Variants in HHIP observed in about 807,000 individuals in gnomAD.
The protein encoded by HHIP is hedgehog-interacting protein.
A neutral mutation model predicts 74.0 loss-of-function variants in HHIP; 12 were observed. The ratio of observed to expected loss-of-function variants is 0.16; its 90% confidence interval spans 0.10 to 0.26. HHIP has a LOEUF of 0.26. HHIP is among the 10% of genes least tolerant of loss of function. The probability of loss-of-function intolerance (pLI) is 1.00; values close to 1 mark genes in which losing one functional copy is unlikely to be tolerated. For synonymous variants in HHIP, 309 were observed against 311.6 expected, an observed-to-expected ratio of 0.99 and a Z score of 0.09; for missense variants, 788 against 845.0, an observed-to-expected ratio of 0.93 and a Z score of 0.84.
At chr4:144,710,869 G>A (rs1730277744) in intron 7 of HHIP, among the ~76,000 whole-genome samples, 2 of 152,174 alleles carry the variant, frequency 1.3e-5, no homozygotes, top group African/African-American at 4.8e-5. Flanking sequence ...AACAATGCAA[G>A]CCTGTTTTCC....
chr4:144,738,621 C>A lies in HHIP; in HGVS notation c.*664C>A. 1.4e-6 allele frequency: 1 copy of A among 710,150 alleles called. No individual in the cohort carries two copies. Among genetic ancestry groups the A allele is most frequent in the Non-Finnish European group, 1.7e-6 (1 of 578,752 alleles). 44.0% of individuals were successfully genotyped at this position (710,150 alleles called of 1,614,324 possible). On this transcript the variant is annotated 3_prime_UTR_variant, in exon 13 of 13. Coordinates refer to ENST00000296575, the MANE Select transcript of HHIP (RefSeq NM_022475.3). ...CATAATAGCATATTTTAAAATCAAT[C>A]TTCCTAAAAGGTCTGCTTTTATTGT...
At chr4:144,691,775 TCAGCAA>T (rs1224343139) in intron 4 of HHIP, among the ~76,000 whole-genome samples, 15 of 152,056 alleles carry the variant, frequency 9.9e-5, no homozygotes, top group Non-Finnish European at 1.5e-5. Flanking sequence ...CTAAGTACCA[TCAGCAA>T]TGCCTCCTCC....
At position 144,742,018 on chromosome 4, in the gene HHIP, AAT is replaced by A. The variant is rs1161883700; in HGVS notation, c.*4068_*4069del. The A allele has an allele frequency of 7.8e-6, 1 of 128,514 alleles. No homozygotes were observed. Among genetic ancestry groups the A allele is most frequent in the Non-Finnish European group, 1.6e-5 (1 of 61,664 alleles). 8.0% of individuals were successfully genotyped at this position (128,514 alleles called of 1,614,324 possible). A position where few individuals can be genotyped will look rare whatever the true frequency, so the allele number is the denominator to read the frequency against. Reference sequence around the variant, plus strand: ...CTCTCCCCCTCTCGCTCTCTCGGCTAATATATATGTGTATGTGTATATATATA... The same window carrying A: ...CTCTCCCCCTCTCGCTCTCTCGGCTAATATATGTGTATGTGTATATATATA... On this transcript the variant is annotated 3_prime_UTR_variant, in exon 13 of 13. Coordinates refer to ENST00000296575, the MANE Select transcript of HHIP (RefSeq NM_022475.3).
At chr4:144,706,480 T>A (rs368893463) in intron 4 of HHIP, 51 bp from the exon 5 acceptor site, 20 of 1,446,642 alleles carry the variant, frequency 1.4e-5, no homozygotes, top group Non-Finnish European at 1.9e-5. Context: ...TGAAACACAA[T>A]AAAGAACATA....
chr4:144,670,299 A>G (rs1296713406), intron 4 of HHIP, among the ~76,000 whole-genome samples: 1 of 151,660 alleles, frequency 6.6e-6, no homozygotes, highest in Non-Finnish European at 1.5e-5. Context: ...CGTCTCTAAT[A>G]AAAATACAAA....
intron 4 of HHIP, among the ~76,000 whole-genome samples, chr4:144,699,822 G>A (rs1243080456): frequency 6.6e-6 from 1 of 152,018 alleles, no homozygotes; most frequent in Non-Finnish European, 1.5e-5. Context: ...AGGGACCTCA[G>A]GGGATTGACT....
intron 1 of HHIP, chr4:144,648,392 T>G (rs1320970215): frequency 6.6e-6 from 1 of 152,194 alleles, no homozygotes; most frequent in Non-Finnish European, 1.5e-5. Context: ...ACTCCTTCTA[T>G]TCCCAGATGA....
intron 4 of HHIP, among the ~76,000 whole-genome samples, chr4:144,662,614 AGCTAATCACTATTACTG>A (rs1728746209): frequency 6.6e-6 from 1 of 152,230 alleles, no homozygotes; most frequent in Non-Finnish European, 1.5e-5. Flanking sequence ...GTACTCTACA[AGCTAATCACTATTACTG>A]GCACTGTGAA....
chr4:144,690,754 G>A (rs1017571168), intron 4 of HHIP, among the ~76,000 whole-genome samples: 9 of 147,252 alleles, frequency 6.1e-5, no homozygotes, highest in Non-Finnish European at 1.2e-4. Context: ...AAGAGGCAAA[G>A]TAAAATGACC....
At position 144,692,888 on chromosome 4, in the gene HHIP, T is replaced by A. The variant is rs554151870; in HGVS notation, c.832-13643T>A. Among the ~76,000 whole-genome samples, 39 of 93,328 alleles carry A rather than the reference T, an allele frequency of 4.2e-4. 1 individual carries two copies. In the South Asian group the frequency reaches 0.022, roughly 52 times the overall value. The allele number at this position is 93,328 out of a possible 152,430, so 61.2% of individuals were successfully genotyped here. On this transcript the variant is annotated intron_variant, in intron 4 of 12. Transcript: ENST00000296575. ...TAACTCTCCCAAAGTTAGAAAGCCA[T>A]CAAGAGGAGCCAAGTTGCAAAGCAA...
chr4:144,706,527 G>T lies in HHIP; in HGVS notation c.832-4G>T. The T allele has an allele frequency of 6.2e-7, 1 of 1,600,806 alleles. No individual in the cohort carries two copies. The highest frequency in any genetic ancestry group is 8.5e-7 in the Non-Finnish European group (1 of 1,174,442). On this transcript the variant is annotated splice_region_variant and splice_polypyrimidine_tract_variant and intron_variant, in intron 4 of 12. Coordinates refer to ENST00000296575, the MANE Select transcript of HHIP (RefSeq NM_022475.3). ...AATTCTTTGTGTTTTTCATTTGACT[G>T]CAGGGAGGAGATGAAAGAGGACTGC...
chr4:144,703,261 G>A (rs566186172), intron 4 of HHIP, among the ~76,000 whole-genome samples: 1 of 151,432 alleles, frequency 6.6e-6, no homozygotes, highest in East Asian at 1.9e-4. Flanking sequence ...TTTTTGAAAG[G>A]CAAGACTGCC....
intron 7 of HHIP, among the ~76,000 whole-genome samples, chr4:144,710,465 T>C (rs1355695734): frequency 3.3e-5 from 5 of 152,214 alleles, no homozygotes; most frequent in African/African-American, 1.2e-4. Flanking sequence ...CAAGAGTTTA[T>C]GTTTTGTTTT....
intron 4 of HHIP, among the ~76,000 whole-genome samples, chr4:144,681,541 C>T (rs1729344748): frequency 6.6e-6 from 1 of 151,422 alleles, no homozygotes; most frequent in African/African-American, 2.4e-5. Context: ...TCTCCTGCCT[C>T]AGCCTCCCGA....
At chr4:144,659,518 A>C (rs1728645114) in intron 3 of HHIP, 119 bp from the exon 4 acceptor site, 1 of 597,852 alleles carries the variant, frequency 1.7e-6, no homozygotes, top group Non-Finnish European at 2.7e-6. Flanking sequence ...GTTAGCAAGC[A>C]CTTCATGGTT....
At chr4:144,712,170 G>T in intron 8 of HHIP, 99 bp downstream of exon 8, 4 of 1,090,646 alleles carry the variant, frequency 3.7e-6, no homozygotes, top group Non-Finnish European at 4.0e-6. Context: ...ATGAGCATTT[G>T]GGAAAGCATA....
rs944669006 is a variant in HHIP, at chr4:144,743,427, A to G, written c.*5470A>G. On this transcript the variant is annotated 3_prime_UTR_variant, in exon 13 of 13. Coordinates refer to ENST00000296575, the MANE Select transcript of HHIP (RefSeq NM_022475.3). ...AATTGGATTCCTTGTATCAACAGAA[A>G]GCCTTGTGCTTAAAACCTGTTATTC... 1.3e-5 allele frequency: 2 copies of G among 152,098 alleles called. No individual in the cohort carries two copies. Among genetic ancestry groups the G allele is most frequent in the Non-Finnish European group, 2.9e-5 (2 of 67,968 alleles). 9.4% of individuals were successfully genotyped at this position (152,098 alleles called of 1,614,324 possible). A position where few individuals can be genotyped will look rare whatever the true frequency, so the allele number is the denominator to read the frequency against.
rs1196584729 is a variant in HHIP, at chr4:144,742,964, GATAT to G, written c.*5010_*5013del. 3.8e-4 allele frequency: 2 copies of G among 5,316 alleles called. No homozygotes were observed. Among genetic ancestry groups the G allele is most frequent in the Non-Finnish European group, 3.1e-3 (2 of 636 alleles). 0.3% of individuals were successfully genotyped at this position (5,316 alleles called of 1,614,324 possible). A position where few individuals can be genotyped will look rare whatever the true frequency, so the allele number is the denominator to read the frequency against. ...TTATATATATATCTTATACATATAA[GATAT>G]ATGTATATATATATACATTATATAT... On this transcript the variant is annotated 3_prime_UTR_variant, in exon 13 of 13. Coordinates refer to ENST00000296575, the MANE Select transcript of HHIP (RefSeq NM_022475.3).
intron 4 of HHIP, among the ~76,000 whole-genome samples, chr4:144,684,647 C>A (rs140994185): frequency 1.3e-5 from 2 of 152,020 alleles, no homozygotes; most frequent in Non-Finnish European, 2.9e-5. Context: ...TAGGGATATT[C>A]TAAAAAGTTT....
Sources: gnomAD v4.1 joint callset for allele counts (sites outside exome capture counted in the v4.1 genomes callset) on GRCh38, gnomAD v4.1.1 for gene constraint, MANE v1.5 for transcripts, NCBI Gene and HGNC (gene_info 2026-07-23, HGNC 2026-07-21) for gene names.